Variants in SPON1 observed in about 807,000 individuals in gnomAD.
SPON1 encodes the protein spondin 1.
Under a neutral mutation model 111.7 loss-of-function variants are expected in SPON1, and 52 were observed. The observed-to-expected ratio is 0.47, with a 90% CI of 0.37 to 0.59. The LOEUF (loss-of-function observed/expected upper bound fraction) is 0.59. SPON1 is among the 20% of genes least tolerant of loss of function. SPON1 has a pLI of 0.00. For missense variants in SPON1, 957 were observed against 1,068.5 expected (o/e 0.90, Z 1.46); for synonymous variants, 410 against 395.8 (o/e 1.04, Z -0.43).
At position 14,090,845 on chromosome 11, in the gene SPON1, GC is replaced by G. The variant is rs202137035; in HGVS notation, c.676+10827del. Among the ~76,000 whole-genome samples, 20 of 38,016 alleles carry G rather than the reference GC, an allele frequency of 5.3e-4. 1 individual carries two copies. Among genetic ancestry groups the G allele is most frequent in the African/African-American group, 2.0e-3 (13 of 6,590 alleles). 24.9% of individuals were successfully genotyped at this position (38,016 alleles called of 152,430 possible). On this transcript the variant is annotated intron_variant, in intron 5 of 15. Transcript: ENST00000576479. ...TCTGGCCCCCCCCCCCCCCCCCCCC[GC>G]CCACATCCTGCTGATTGGTAGAGCC... is the stretch of plus-strand genomic sequence containing the variant.
chr11:14,251,297 T>C (rs1190735715), intron 7 of SPON1, among the ~76,000 whole-genome samples: 1 of 152,196 alleles, frequency 6.6e-6, no homozygotes, highest in African/African-American at 2.4e-5. Context: ...TGTGACCTCA[T>C]AGTCAGGAAT....
chr11:14,095,035 C>A (rs1044985884), intron 5 of SPON1, among the ~76,000 whole-genome samples: 16 of 152,192 alleles, frequency 1.1e-4, no homozygotes, highest in Middle Eastern at 3.2e-3. Flanking sequence ...AGGTTTCTGG[C>A]TTGGAAATGG....
chr11:14,145,203 A>T (rs1456179198), intron 6 of SPON1, among the ~76,000 whole-genome samples: 1 of 152,208 alleles, frequency 6.6e-6, no homozygotes, highest in Non-Finnish European at 1.5e-5. Flanking sequence ...AAGCTGCCAG[A>T]GTGATTTCGT....
intron 2 of SPON1, among the ~76,000 whole-genome samples, chr11:14,004,959 A>G (rs1321855004): frequency 1.3e-5 from 2 of 152,090 alleles, no homozygotes; most frequent in Non-Finnish European, 2.9e-5. Context: ...GGTGCATGCC[A>G]CTATGTCTGG....
At chr11:14,178,008 TTC>T (rs2133885723) in intron 6 of SPON1, among the ~76,000 whole-genome samples, 1 of 146,496 alleles carries the variant, frequency 6.8e-6, no homozygotes, top group African/African-American at 2.5e-5. Flanking sequence ...AAATCCAAGA[TTC>T]TCTGATTCTC....
At chr11:14,243,920 G>C (rs188315546) in intron 7 of SPON1, among the ~76,000 whole-genome samples, 35 of 152,266 alleles carry the variant, frequency 2.3e-4, no homozygotes, top group Admixed American at 1.9e-3. Context: ...TGGTATATCC[G>C]TCAGGTTTTT....
rs370630371 is a variant in SPON1 at position 14,254,665 on chromosome 11, T to C, written c.1028T>C (p.Val343Ala). The C allele has an allele frequency of 4.3e-6, 7 of 1,613,946 alleles. No homozygotes were observed. Among genetic ancestry groups the C allele is most frequent in the African/African-American group, 1.3e-5 (1 of 75,032 alleles). ...CTGTGCACCAAGGAATGTGGCTGGG[T>C]CCAGAAGGTGGTGCAAGACCTGATT... ...EDLCTKECGW[V>A]QKVVQDLIPW... Residue 343 changes from valine to alanine, a missense_variant, in exon 8 of 16, where the codon GTC becomes GCC. By Grantham distance (64) the Val-to-Ala change is moderately conservative (BLOSUM62 0). Transcript: ENST00000576479.
intron 5 of SPON1, among the ~76,000 whole-genome samples, chr11:14,114,658 G>C (rs191258840): frequency 6.6e-6 from 1 of 152,226 alleles, no homozygotes; most frequent in Admixed American, 6.5e-5. Context: ...TTCATTCTCT[G>C]CATTAACCCC....
chr11:14,030,831 T>C (rs1380278380), intron 2 of SPON1, among the ~76,000 whole-genome samples: 3 of 152,210 alleles, frequency 2.0e-5, no homozygotes, highest in African/African-American at 7.2e-5. Context: ...GAACTAGGAT[T>C]TGTTCCAGCA....
chr11:14,178,834 C>T (rs1228401052), intron 6 of SPON1, among the ~76,000 whole-genome samples: 2 of 152,160 alleles, frequency 1.3e-5, no homozygotes, highest in African/African-American at 2.4e-5. Flanking sequence ...CATTTTATCC[C>T]ATTGCTCAAT....
At chr11:13,988,519 C>G (rs1161987953) in intron 2 of SPON1, among the ~76,000 whole-genome samples, 1 of 152,132 alleles carries the variant, frequency 6.6e-6, no homozygotes, top group Non-Finnish European at 1.5e-5. Flanking sequence ...TTCCTCTCTT[C>G]CTATTTGAAT....
intron 6 of SPON1, among the ~76,000 whole-genome samples, chr11:14,148,123 G>A (rs10766151): frequency 0.4 from 60,966 of 151,892 alleles, 12,430 homozygotes; most frequent in East Asian, 0.55. Context: ...CTATTTATTG[G>A]ACATTGTAAC....
rs569764164 is a variant in SPON1, at chr11:14,161,003, T to C, written c.825+25435T>C. On this transcript the variant is annotated intron_variant, in intron 6 of 15. Transcript: ENST00000576479. ...TATATTTATATATATTTTTATATATTTATATATTTATATATCTATATATAT... is the reference window on the plus strand; with the variant it reads ...TATATTTATATATATTTTTATATATCTATATATTTATATATCTATATATAT... Among the ~76,000 whole-genome samples the C allele has an allele frequency of 7.8e-3, 399 of 51,412 alleles. 59 individuals are homozygous for C. The highest frequency in any genetic ancestry group is 0.011 in the Non-Finnish European group (348 of 30,544). The allele number at this position is 51,412 out of a possible 152,430, so 33.7% of individuals were successfully genotyped here.
chr11:14,086,209 T>C (rs567583462), intron 5 of SPON1, among the ~76,000 whole-genome samples: 4 of 152,314 alleles, frequency 2.6e-5, no homozygotes, highest in Admixed American at 2.6e-4. Context: ...AGAGGGGGCA[T>C]CCTTGTCTTG....
chr11:14,086,461 T>C (rs1431982691), intron 5 of SPON1, among the ~76,000 whole-genome samples: 1 of 152,202 alleles, frequency 6.6e-6, no homozygotes, highest in Non-Finnish European at 1.5e-5. Context: ...TTGATTTGCA[T>C]ATGTTGAACC....
chr11:14,233,922 C>T (rs1444837581), intron 6 of SPON1, among the ~76,000 whole-genome samples: 2 of 151,948 alleles, frequency 1.3e-5, no homozygotes, highest in African/African-American at 4.8e-5. Context: ...GCCACCATGC[C>T]CAGCTAATTT....
At chr11:14,053,907 G>A (rs782117749) in intron 3 of SPON1, among the ~76,000 whole-genome samples, 14 of 152,166 alleles carry the variant, frequency 9.2e-5, no homozygotes, top group Non-Finnish European at 1.9e-4. Flanking sequence ...AGAAGCGAGG[G>A]CAGAAGCCAC....
chr11:14,081,595 A>G (rs1848962678), intron 5 of SPON1, among the ~76,000 whole-genome samples: 1 of 152,060 alleles, frequency 6.6e-6, no homozygotes, highest in African/African-American at 2.4e-5. Flanking sequence ...TGTGGGTGGC[A>G]GGATGTCCAT....
chr11:14,081,836 G>A (rs976307843), intron 5 of SPON1, among the ~76,000 whole-genome samples: 10 of 152,080 alleles, frequency 6.6e-5, no homozygotes, highest in African/African-American at 2.2e-4. Context: ...ACCCAGAGGG[G>A]ACTTCGACAT....
Sources: gnomAD v4.1 joint callset for allele counts (sites outside exome capture counted in the v4.1 genomes callset) on GRCh38, gnomAD v4.1.1 for gene constraint, MANE v1.5 for transcripts, NCBI Gene and HGNC (gene_info 2026-07-23, HGNC 2026-07-21) for gene names.